The following LDLRAP1 variants were observed in gnomAD, a reference collection of about 807,000 sequenced individuals.
LDLRAP1 encodes the protein low density lipoprotein receptor adaptor protein 1, also known as low density lipoprotein receptor adapter protein 1.
In LDLRAP1, 30 loss-of-function variants were observed where a neutral mutation model predicts 37.8. The observed-to-expected ratio is 0.79, with a 90% CI of 0.59 to 1.08. The LOEUF (loss-of-function observed/expected upper bound fraction) is 1.08, where lower values mean the gene tolerates loss of function less well. Among genes scored for constraint, LDLRAP1 ranks in the 50% least tolerant of loss-of-function variants. The probability of loss-of-function intolerance (pLI) is 0.00; values close to 1 mark genes in which losing one functional copy is unlikely to be tolerated. For missense variants in LDLRAP1, 375 were observed against 401.6 expected (o/e 0.93, Z 0.57); for synonymous variants, 156 against 169.8 (o/e 0.92, Z 0.63).
chr1:25,576,709 A>C, the LDLRAP1 span, among the ~76,000 whole-genome samples: 1 of 152,242 alleles, frequency 6.6e-6, no homozygotes, highest in Admixed American at 6.5e-5. Context: ...CCAAGATTCA[A>C]GGCCAATCCT....
Sources: allele counts gnomAD v4.1 joint callset (sites outside exome capture counted in the v4.1 genomes callset), GRCh38; gene constraint gnomAD v4.1.1; transcripts MANE v1.5; gene names NCBI Gene and HGNC (gene_info 2026-07-23, HGNC 2026-07-21).